The following FAM222B variants were observed in gnomAD, a reference collection of about 807,000 sequenced individuals.
The protein encoded by FAM222B is protein FAM222B.
FAM222B carries 12 observed loss-of-function variants against 38.0 expected under a neutral mutation model. The observed-to-expected ratio is 0.32, with a 90% confidence interval of 0.20 to 0.51. The LOEUF is 0.51. Among genes scored for constraint, FAM222B ranks in the 20% least tolerant of loss-of-function variants. The probability of loss-of-function intolerance (pLI) is 0.97; values close to 1 mark genes in which losing one functional copy is unlikely to be tolerated. For missense variants in FAM222B, 716 were observed against 754.2 expected (o/e 0.95, Z 0.59); for synonymous variants, 329 against 317.2 (o/e 1.04, Z -0.40).
intron 2 of FAM222B, among the ~76,000 whole-genome samples, chr17:28,766,017 A>G (rs2151781942): frequency 6.6e-6 from 1 of 152,286 alleles, no homozygotes; most frequent in East Asian, 1.9e-4. Flanking sequence ...TCAATTCCCT[A>G]TGAAGGTTCA....
intron 1 of FAM222B, among the ~76,000 whole-genome samples, chr17:28,840,184 T>C (rs2038988054): frequency 6.6e-6 from 1 of 151,940 alleles, no homozygotes; most frequent in South Asian, 2.1e-4. Context: ...CTGACCAAAA[T>C]GGCGAAACCC....
chr17:28,765,067 G>C (rs1567796497), intron 2 of FAM222B, among the ~76,000 whole-genome samples: 1 of 152,216 alleles, frequency 6.6e-6, no homozygotes. Context: ...AGGATGGGTT[G>C]AGAAAGCTAT....
chr17:28,772,358 T>C (rs575562531), intron 1 of FAM222B, among the ~76,000 whole-genome samples: 3 of 152,010 alleles, frequency 2.0e-5, no homozygotes, highest in African/African-American at 7.2e-5. Flanking sequence ...AAGAGATGAG[T>C]AGGAGATGTG....
chr17:28,775,340 C>T (rs907100618), intron 1 of FAM222B, among the ~76,000 whole-genome samples: 1 of 151,574 alleles, frequency 6.6e-6, no homozygotes, highest in Non-Finnish European at 1.5e-5. Flanking sequence ...GGCATTTTTC[C>T]GTGGGGAATG....
At chr17:28,775,829 C>T (rs1289979684) in intron 1 of FAM222B, among the ~76,000 whole-genome samples, 2 of 149,642 alleles carry the variant, frequency 1.3e-5, no homozygotes, top group African/African-American at 2.5e-5. Flanking sequence ...TGCAGTGAGC[C>T]GAGATGGCGC....
chr17:28,845,405 A>AC (rs2039138451), upstream of FAM222B, among the ~76,000 whole-genome samples: 1 of 150,656 alleles, frequency 6.6e-6, no homozygotes, highest in Non-Finnish European at 1.5e-5. Flanking sequence ...ATCTCAAAAA[A>AC]AAAAAATACA....
At chr17:28,804,459 C>T (rs1312158995) in intron 1 of FAM222B, among the ~76,000 whole-genome samples, 1 of 152,044 alleles carries the variant, frequency 6.6e-6, no homozygotes, top group Non-Finnish European at 1.5e-5. Context: ...CTCAGCCTCC[C>T]GAGTAGCTGG....
chr17:28,805,430 G>A (rs2037440800), intron 1 of FAM222B, among the ~76,000 whole-genome samples: 1 of 152,070 alleles, frequency 6.6e-6, no homozygotes, highest in Non-Finnish European at 1.5e-5. Flanking sequence ...AGCTATTCAG[G>A]AGGCTGAGGC....
At position 28,813,044 on chromosome 17, in the gene FAM222B, G is replaced by T. The variant is rs2037866429; in HGVS notation, c.-41+29638C>A. Among the ~76,000 whole-genome samples the T allele has an allele frequency of 2.1e-5, 2 of 93,188 alleles. 1 individual carries two copies. The highest frequency in any genetic ancestry group is 2.1e-4 in the Admixed American group (2 of 9,474). The allele number at this position is 93,188 out of a possible 152,430, so 61.1% of individuals were successfully genotyped here. A position where few individuals can be genotyped will look rare whatever the true frequency, so the allele number is the denominator to read the frequency against. The stretch of plus-strand genomic sequence containing the variant: ...AAGCGGGGGGGGGGGGGGGGGGGAG[G>T]GGGGGGCGTTGGAGGCATGTTGGGA... On this transcript the variant is annotated intron_variant, in intron 1 of 2. Transcript: ENST00000581407.
upstream of FAM222B, among the ~76,000 whole-genome samples, chr17:28,847,619 A>T (rs539605616): frequency 2.0e-5 from 3 of 151,748 alleles, no homozygotes; most frequent in East Asian, 5.8e-4. Flanking sequence ...AATTAATTAA[A>T]TAAAGAAAAA....
chr17:28,778,765 A>G (rs1353649256), intron 1 of FAM222B, among the ~76,000 whole-genome samples: 2 of 102,574 alleles, frequency 1.9e-5, no homozygotes, highest in African/African-American at 8.0e-5. Flanking sequence ...GGGTTTTGCC[A>G]TGTTGCCCAG....
chr17:28,840,886 A>G lies in FAM222B; in HGVS notation c.-41+1796T>C, dbSNP rs369509644. Among the ~76,000 whole-genome samples the G allele has an allele frequency of 6.8e-4, 104 of 151,900 alleles. 1 individual carries two copies. The highest frequency in any genetic ancestry group is 2.2e-3 in the African/African-American group (93 of 41,444). The stretch of plus-strand genomic sequence containing the variant: ...TGAGGCAGGAGAATTGCTTGAACCC[A>G]GGAGGCGGAGGTTGCAGTGAACCAA... On this transcript the variant is annotated intron_variant, in intron 1 of 2. Coordinates refer to ENST00000581407, the MANE Select transcript of FAM222B (RefSeq NM_001077498.3).
intron 1 of FAM222B, among the ~76,000 whole-genome samples, chr17:28,849,808 G>A (rs549146616): frequency 4.6e-5 from 7 of 152,140 alleles, no homozygotes; most frequent in South Asian, 2.1e-4. Flanking sequence ...CTCACCAGGC[G>A]CAGTGGCTCA....
At chr17:28,802,913 A>G (rs2151905818) in intron 1 of FAM222B, 1 of 152,322 alleles carries the variant, frequency 6.6e-6, no homozygotes, top group Middle Eastern at 3.4e-3. Context: ...ACTATTCTAA[A>G]TGGATTTCAT....
chr17:28,834,345 A>G (rs1308447638), intron 1 of FAM222B: 1 of 151,956 alleles, frequency 6.6e-6, no homozygotes, highest in Non-Finnish European at 1.5e-5. Context: ...TAAAATTCAG[A>G]CCCCTTACTA....
At chr17:28,785,118 T>C (rs531885263) in intron 1 of FAM222B, among the ~76,000 whole-genome samples, 2 of 152,202 alleles carry the variant, frequency 1.3e-5, no homozygotes, top group Admixed American at 6.5e-5. Context: ...TTTCTACAGA[T>C]AAGGAAACCC....
intron 1 of FAM222B, among the ~76,000 whole-genome samples, chr17:28,841,546 T>C (rs1181088708): frequency 6.6e-6 from 1 of 152,018 alleles, no homozygotes; most frequent in East Asian, 1.9e-4. Context: ...GGCTGATTTT[T>C]TGTATTTTTA....
At chr17:28,794,222 C>G (rs1439194275) in intron 1 of FAM222B, among the ~76,000 whole-genome samples, 2 of 142,302 alleles carry the variant, frequency 1.4e-5, no homozygotes. Context: ...TTGTCTTTTG[C>G]TTTTTTTTTT....
At chr17:28,852,267 T>C (rs2039187247) in intron 1 of FAM222B, among the ~76,000 whole-genome samples, 1 of 151,604 alleles carries the variant, frequency 6.6e-6, no homozygotes, top group African/African-American at 2.4e-5. Context: ...CTCGGGAGGC[T>C]GAGGCAGGAG....
Sources: gnomAD v4.1 joint callset for allele counts (sites outside exome capture counted in the v4.1 genomes callset) on GRCh38, gnomAD v4.1.1 for gene constraint, MANE v1.5 for transcripts, NCBI Gene and HGNC (gene_info 2026-07-23, HGNC 2026-07-21) for gene names.